Variants in IL13RA1 observed in about 807,000 individuals in gnomAD.
IL13RA1 encodes the protein interleukin-13 receptor subunit alpha-1.
In IL13RA1, 14 loss-of-function variants were observed where a neutral mutation model predicts 33.8. The observed-to-expected ratio is 0.41, with a 90% CI of 0.27 to 0.65. IL13RA1 has a LOEUF of 0.65. Among genes scored for constraint, IL13RA1 ranks in the 30% least tolerant of loss-of-function variants. The probability of loss-of-function intolerance (pLI) is 0.28; values close to 1 mark genes in which losing one functional copy is unlikely to be tolerated. For synonymous variants in IL13RA1, 116 were observed against 115.7 expected (o/e 1.00, Z -0.02); for missense variants, 313 against 327.0 (o/e 0.96, Z 0.33).
chrX:118,747,029 T>G lies in IL13RA1; in HGVS notation c.304T>G (p.Cys102Gly). The part of the protein sequence containing the change: ...ERICLQVGSQ[C>G]STNESEKPSI... ...GATTTGTCTGCAAGTGGGGTCCCAG[T>G]GTAGCACCAATGAGAGTGAGAAGCC... Residue 102 changes from cysteine to glycine, a missense_variant, in exon 3 of 11, where the codon TGT becomes GGT. Physicochemically the swap from Cys to Gly is radical, Grantham distance 159. Transcript: ENST00000371666. 1 of 1,156,793 alleles carries G rather than the reference T, an allele frequency of 8.6e-7. No individual in the cohort carries two copies. Among genetic ancestry groups the G allele is most frequent in the Non-Finnish European group, 1.2e-6 (1 of 845,853 alleles).
intron 10 of IL13RA1, among the ~76,000 whole-genome samples, chrX:118,781,152 G>T (rs1168853419): frequency 9.1e-6 from 1 of 109,633 alleles, no homozygotes; most frequent in Non-Finnish European, 1.9e-5. Flanking sequence ...GGTAAGGGGA[G>T]TTGCAGAGGG....
At chrX:118,750,186 A>G (rs2017456099) in intron 4 of IL13RA1, among the ~76,000 whole-genome samples, 1 of 111,388 alleles carries the variant, frequency 9.0e-6, no homozygotes, top group Admixed American at 9.6e-5. Flanking sequence ...ATGTGAAGAT[A>G]TACAATGGTT....
At chrX:118,746,427 T>C (rs965027483) in intron 2 of IL13RA1, among the ~76,000 whole-genome samples, 1 of 112,239 alleles carries the variant, frequency 8.9e-6, no homozygotes, top group Non-Finnish European at 1.9e-5. Flanking sequence ...ATTCCTGGAT[T>C]CTTAAAGCAT....
chrX:118,757,713 A>C (rs2017548127), intron 4 of IL13RA1, among the ~76,000 whole-genome samples: 2 of 51,655 alleles, frequency 3.9e-5, no homozygotes, highest in Admixed American at 3.5e-4. Flanking sequence ...TTTTTTGTGG[A>C]AGGGTCTTAC....
intron 1 of IL13RA1, among the ~76,000 whole-genome samples, chrX:118,732,132 A>G (rs1221374741): frequency 9.0e-6 from 1 of 111,144 alleles, no homozygotes; most frequent in East Asian, 2.8e-4. Flanking sequence ...CTGTGCAACC[A>G]TCATCACCAT....
chrX:118,804,394 T>TACACACACACACACACAC, the IL13RA1 span, among the ~76,000 whole-genome samples: 1 of 89,704 alleles, frequency 1.1e-5, no homozygotes, highest in African/African-American at 4.1e-5. Flanking sequence ...CAGCCATGCA[T>TACACACACACACACACAC]ACACACACAC....
intron 10 of IL13RA1, among the ~76,000 whole-genome samples, chrX:118,782,661 A>C (rs2017858301): frequency 9.1e-6 from 1 of 109,769 alleles, no homozygotes; most frequent in Admixed American, 9.7e-5. Context: ...ATAGTGGTGC[A>C]AACATGGTTC....
intron 1 of IL13RA1, among the ~76,000 whole-genome samples, chrX:118,740,045 G>A (rs750282503): frequency 5.3e-5 from 6 of 112,325 alleles, no homozygotes; most frequent in Admixed American, 4.7e-4. Context: ...GCTCACTGCA[G>A]CCTCAAACTC....
rs180700630 is a variant in IL13RA1 at position 118,760,233 on chromosome X, C to T, written c.677-905C>T. ...CCCTCCGCCCTTAGCAACCACCTTT[C>T]TACTTTCTGTTTCTATGAATTTGAC... is the stretch of plus-strand genomic sequence containing the variant. On this transcript the variant is annotated intron_variant, in intron 5 of 10. Transcript: ENST00000371666. Among the ~76,000 whole-genome samples, 6 of 112,087 alleles carry T rather than the reference C, an allele frequency of 5.4e-5. No homozygotes were observed. The East Asian group carries it at 1.4e-3, about 26-fold the overall frequency.
chrX:118,773,762 AG>A, intron 8 of IL13RA1, 116 bp from the exon 9 acceptor site: 1 of 491,667 alleles, frequency 2.0e-6, no homozygotes, highest in South Asian at 2.9e-5. Context: ...TTGGGAAAAT[AG>A]GTTGGGGGAG....
At position 118,773,888 on chromosome X, in the gene IL13RA1, G is replaced by A. The variant is rs777442248; in HGVS notation, c.1019G>A (p.Arg340His). 44 of 990,589 alleles carry A rather than the reference G, an allele frequency of 4.4e-5. No individual in the cohort carries two copies. The highest frequency in any genetic ancestry group is 5.6e-5 in the Non-Finnish European group (39 of 697,193). 81.6% of individuals were successfully genotyped at this position (990,589 alleles called of 1,213,427 possible). A position where few individuals can be genotyped will look rare whatever the true frequency, so the allele number is the denominator to read the frequency against. ...WSQEMSIGKK[R>H]NSTLYITMLL... ...GCTTTTCATTCTCCAGGTAAGAAGC[G>A]CAATTCCACACTCTACATAACCATG... The change falls in exon 9 of 11, where the codon CGC becomes CAC. Residue 340 changes from arginine (R) to histidine (H), a missense_variant. Transcript: ENST00000371666.
Position 118,727,701 on chromosome X carries a change from C to A in IL13RA1, c.63C>A (p.Gly21=). The A allele has an allele frequency of 3.4e-6, 1 of 290,567 alleles. No individual in the cohort carries two copies. Among genetic ancestry groups the A allele is most frequent in the Non-Finnish European group, 4.8e-6 (1 of 208,937 alleles). 23.9% of individuals were successfully genotyped at this position (290,567 alleles called of 1,213,427 possible). A position where few individuals can be genotyped will look rare whatever the true frequency, so the allele number is the denominator to read the frequency against. ...WALLLCAGGG[G]GGGGAAPTET... ...TGCTGCTCTGCGCCGGCGGCGGGGG[C>A]GGGGGCGGGGGCGCCGCGCCTACGG... The change falls in exon 1 of 11, where the codon GGC becomes GGA. Residue 21 remains glycine, a synonymous_variant. Transcript: ENST00000371666.
At chrX:118,771,833 G>A (rs752461780) in intron 8 of IL13RA1, among the ~76,000 whole-genome samples, 1 of 111,322 alleles carries the variant, frequency 9.0e-6, no homozygotes, top group African/African-American at 3.3e-5. Context: ...AATAAGCTGG[G>A]CATGGTGGCA....
the IL13RA1 span, among the ~76,000 whole-genome samples, chrX:118,799,883 A>C: frequency 1.3e-5 from 1 of 77,399 alleles, no homozygotes; most frequent in African/African-American, 5.1e-5. Flanking sequence ...ACCAATCGAC[A>C]CTCTGTATCT....
chrX:118,741,458 C>T (rs1359991673), intron 2 of IL13RA1, among the ~76,000 whole-genome samples: 1 of 111,881 alleles, frequency 8.9e-6, no homozygotes, highest in Admixed American at 9.6e-5. Flanking sequence ...TATGTTCCTG[C>T]CTGTAGCTGT....
At chrX:118,802,153 A>G in the IL13RA1 span, among the ~76,000 whole-genome samples, 6 of 111,132 alleles carry the variant, frequency 5.4e-5, no homozygotes, top group African/African-American at 2.0e-4. Flanking sequence ...TGCAGCCCCA[A>G]ATAAGGCTGG....
intron 6 of IL13RA1, among the ~76,000 whole-genome samples, chrX:118,764,962 C>T (rs1321584229): frequency 1.8e-5 from 2 of 112,324 alleles, no homozygotes; most frequent in Non-Finnish European, 3.8e-5. Flanking sequence ...TGATTTTTCA[C>T]CTATGTAACC....
chrX:118,802,033 C>T, the IL13RA1 span, among the ~76,000 whole-genome samples: 1 of 111,742 alleles, frequency 8.9e-6, no homozygotes, highest in Non-Finnish European at 1.9e-5. Flanking sequence ...TGGGTATCCA[C>T]TCCCTGACAG....
chrX:118,739,255 T>A (rs1741038300), intron 1 of IL13RA1, among the ~76,000 whole-genome samples: 2 of 112,165 alleles, frequency 1.8e-5, no homozygotes, highest in Admixed American at 1.9e-4. Context: ...GTCAAGGGCC[T>A]TTGTAGACTG....
Sources: allele counts gnomAD v4.1 joint callset (sites outside exome capture counted in the v4.1 genomes callset), GRCh38; gene constraint gnomAD v4.1.1; transcripts MANE v1.5; gene names NCBI Gene and HGNC (gene_info 2026-07-23, HGNC 2026-07-21).